Variants in SORL1 observed in about 807,000 individuals in gnomAD.
The protein encoded by SORL1 is sortilin-related receptor.
SORL1 carries 127 observed loss-of-function variants against 273.7 expected under a neutral mutation model. That is an observed-to-expected ratio of 0.46 (90% CI 0.40 to 0.54). The LOEUF (loss-of-function observed/expected upper bound fraction) is 0.54, where lower values mean the gene tolerates loss of function less well. SORL1 is among the 20% of genes least tolerant of loss of function. The pLI is 0.00. For synonymous variants in SORL1, 1,031 were observed against 1,067.4 expected, an observed-to-expected ratio of 0.97 and a Z score of 0.66; for missense variants, 2,494 against 2,846.1, an observed-to-expected ratio of 0.88 and a Z score of 2.81.
chr11:121,452,769 T>A lies in SORL1; in HGVS notation c.285+153T>A. Reference sequence around the variant, plus strand: ...TTTTTTTCCTTCACGAGTACAACCGTCAGCACTTGAATCGCATTGATCTTT... The same window carrying A: ...TTTTTTTCCTTCACGAGTACAACCGACAGCACTTGAATCGCATTGATCTTT... On this transcript the variant is annotated intron_variant, in intron 1 of 47. Coordinates refer to ENST00000260197, the MANE Select transcript of SORL1 (RefSeq NM_003105.6). The surrounding 1 kb of genome is among the most constrained non-coding windows in gnomAD (Gnocchi z 5.3). 1 of 580,566 alleles carries A rather than the reference T, an allele frequency of 1.7e-6. No homozygotes were observed. Among genetic ancestry groups the A allele is most frequent in the Non-Finnish European group, 2.8e-6 (1 of 359,778 alleles). 36.0% of individuals were successfully genotyped at this position (580,566 alleles called of 1,614,324 possible).
At chr11:121,592,537 A>C (rs1452496602) in intron 31 of SORL1, among the ~76,000 whole-genome samples, 1 of 152,166 alleles carries the variant, frequency 6.6e-6, no homozygotes, top group Non-Finnish European at 1.5e-5. Context: ...TTCCAGTCTC[A>C]TTAAACTTAC....
intron 1 of SORL1, among the ~76,000 whole-genome samples, chr11:121,460,923 T>G (rs1367911216): frequency 6.6e-6 from 1 of 152,054 alleles, no homozygotes. Flanking sequence ...TGCGAGACAG[T>G]TCCACCTGTC....
chr11:121,577,590 C>T (rs889895389), intron 25 of SORL1, among the ~76,000 whole-genome samples, 190 bp downstream of exon 25: 3 of 152,274 alleles, frequency 2.0e-5, no homozygotes, highest in Middle Eastern at 3.4e-3. Flanking sequence ...AAATCAACAC[C>T]CTGCTTTCAA....
chr11:121,602,686 G>C (rs1863411882), intron 32 of SORL1, among the ~76,000 whole-genome samples: 1 of 152,200 alleles, frequency 6.6e-6, no homozygotes, highest in African/African-American at 2.4e-5. Flanking sequence ...GGCGTATGAA[G>C]CTTCCTTGCT....
At chr11:121,576,634 G>T in intron 24 of SORL1, 1 of 642,762 alleles carries the variant, frequency 1.6e-6, no homozygotes, top group Non-Finnish European at 2.6e-6. Context: ...ATCTCCCCAG[G>T]AGCTTTGAAG....
chr11:121,549,724 A>ATTTT (rs56099942), intron 14 of SORL1, among the ~76,000 whole-genome samples: 1 of 143,990 alleles, frequency 6.9e-6, no homozygotes, highest in Non-Finnish European at 1.5e-5. Context: ...TGGCATGATG[A>ATTTT]TTTTTTTTTT....
intron 23 of SORL1, among the ~76,000 whole-genome samples, chr11:121,573,375 G>A (rs929470072): frequency 1.3e-5 from 2 of 152,170 alleles, no homozygotes; most frequent in African/African-American, 4.8e-5. Flanking sequence ...ACTTTGGGAG[G>A]CTGAGGCAGG....
intron 45 of SORL1, among the ~76,000 whole-genome samples, chr11:121,622,941 A>G (rs966769557): frequency 6.6e-6 from 1 of 152,246 alleles, no homozygotes; most frequent in African/African-American, 2.4e-5. Flanking sequence ...AACTATGGCT[A>G]CCTGGAGATG....
chr11:121,493,865 G>A (rs1390748217), intron 5 of SORL1, among the ~76,000 whole-genome samples: 1 of 152,166 alleles, frequency 6.6e-6, no homozygotes, highest in Admixed American at 6.5e-5. Flanking sequence ...GGTATGTTGA[G>A]GAGCCTTACA....
At chr11:121,539,586 A>T (rs1015221514) in intron 12 of SORL1, among the ~76,000 whole-genome samples, 2 of 152,064 alleles carry the variant, frequency 1.3e-5, no homozygotes, top group African/African-American at 4.8e-5. Flanking sequence ...TTTCCTTGAT[A>T]AAGATAAAAG....
intron 8 of SORL1, among the ~76,000 whole-genome samples, chr11:121,519,268 C>T (rs1360193347): frequency 2.6e-5 from 4 of 152,002 alleles, no homozygotes; most frequent in Non-Finnish European, 4.4e-5. Context: ...TTAACAGCCA[C>T]CTATGAACCC....
chr11:121,497,819 G>C (rs1861653967), intron 6 of SORL1, among the ~76,000 whole-genome samples: 1 of 152,078 alleles, frequency 6.6e-6, no homozygotes, highest in South Asian at 2.1e-4. Flanking sequence ...GTTGACTCAG[G>C]GTCTGTTGAA....
At chr11:121,564,029 G>A (rs1862716503) in intron 21 of SORL1, among the ~76,000 whole-genome samples, 1 of 152,210 alleles carries the variant, frequency 6.6e-6, no homozygotes, top group Non-Finnish European at 1.5e-5. Flanking sequence ...AAAATGTTCT[G>A]AACATGCCCA....
chr11:121,583,318 G>C, intron 25 of SORL1, 140 bp from the exon 26 acceptor site: 1 of 993,350 alleles, frequency 1.0e-6, no homozygotes, highest in Non-Finnish European at 1.4e-6. Context: ...CCAATTCTCA[G>C]CCAAGGAGAA....
Position 121,540,522 on chromosome 11 carries a change from C to CAAAAAA in SORL1, c.1686-3017_1686-3012dup, listed in dbSNP as rs34608652. 1.4e-4 allele frequency among the ~76,000 whole-genome samples: 15 copies of CAAAAAA among 103,892 alleles called. 1 individual carries two copies. The highest frequency in any genetic ancestry group is 1.8e-4 in the African/African-American group (5 of 27,518). 68.2% of individuals were successfully genotyped at this position (103,892 alleles called of 152,430 possible). A position where few individuals can be genotyped will look rare whatever the true frequency, so the allele number is the denominator to read the frequency against. On this transcript the variant is annotated intron_variant, in intron 12 of 47. Transcript: ENST00000260197. ...TGAAATCCTATCTCTACTAAAAATA[C>CAAAAAA]AAAAAAAAAAAAAAGAATGCAAAGA...
intron 8 of SORL1, among the ~76,000 whole-genome samples, chr11:121,517,709 T>C (rs1861976415): frequency 6.6e-6 from 1 of 152,154 alleles, no homozygotes; most frequent in Admixed American, 6.5e-5. Context: ...CACAGTCCAG[T>C]GAAGAAACTG....
chr11:121,471,551 C>A (rs1861168006), intron 2 of SORL1, among the ~76,000 whole-genome samples: 1 of 152,328 alleles, frequency 6.6e-6, no homozygotes. Flanking sequence ...TGCTTTACAG[C>A]TTCGGTCACC....
intron 12 of SORL1, among the ~76,000 whole-genome samples, chr11:121,536,772 T>C (rs528966202): frequency 7.9e-4 from 121 of 152,206 alleles, no homozygotes; most frequent in African/African-American, 2.6e-3. Flanking sequence ...TTTAACTTCC[T>C]TCAACAAGCG....
At chr11:121,499,091 C>G (rs187136462) in intron 6 of SORL1, among the ~76,000 whole-genome samples, 1 of 152,056 alleles carries the variant, frequency 6.6e-6, no homozygotes, top group Non-Finnish European at 1.5e-5. Context: ...GCAGCAGATG[C>G]GCAATAGAGT....
Sources: allele counts gnomAD v4.1 joint callset (sites outside exome capture counted in the v4.1 genomes callset), GRCh38; gene constraint gnomAD v4.1.1; non-coding constraint Gnocchi (gnomAD v3.1); transcripts MANE v1.5; gene names NCBI Gene and HGNC (gene_info 2026-07-23, HGNC 2026-07-21).